Variants in HDAC11 observed in about 807,000 individuals in gnomAD.
The protein encoded by HDAC11 is histone deacetylase 11.
A neutral mutation model predicts 41.1 loss-of-function variants in HDAC11; 23 were observed. That is an observed-to-expected ratio of 0.56 (90% CI 0.40 to 0.79). The LOEUF (loss-of-function observed/expected upper bound fraction) is 0.79. Among genes scored for constraint, HDAC11 ranks in the 30% least tolerant of loss-of-function variants. HDAC11 has a pLI of 0.00. For synonymous variants in HDAC11, 187 were observed against 186.6 expected (o/e 1.00, Z -0.02); for missense variants, 402 against 477.3 (o/e 0.84, Z 1.47).
chr3:13,481,479 C>T (rs776806544), intron 2 of HDAC11, 85 bp downstream of exon 2: 18 of 1,488,976 alleles, frequency 1.2e-5, no homozygotes, highest in Middle Eastern at 1.8e-4. Context: ...AAGCCTCAGG[C>T]TCTCTCCCAT....
intron 2 of HDAC11, 24 bp downstream of exon 2, chr3:13,481,418 C>A (rs761368050): frequency 6.2e-7 from 1 of 1,612,324 alleles, no homozygotes; most frequent in Non-Finnish European, 8.5e-7. Flanking sequence ...CCCTTGGACT[C>A]TCATCTGCTT....
In HDAC11 at chr3:13,483,386, G is replaced by A. The variant is rs1021114756; in HGVS notation, c.152-78G>A. The A allele has an allele frequency of 4.0e-6, 5 of 1,241,976 alleles. No individual in the cohort carries two copies. In the African/African-American group the frequency reaches 5.9e-5, roughly 15 times the overall value. The allele number at this position is 1,241,976 out of a possible 1,614,324, so 76.9% of individuals were successfully genotyped here. A position where few individuals can be genotyped will look rare whatever the true frequency, so the allele number is the denominator to read the frequency against. On this transcript the variant is annotated intron_variant, in intron 2 of 9. Coordinates refer to ENST00000295757, the MANE Select transcript of HDAC11 (RefSeq NM_024827.4). ...GCAGGGGCTGCCACAGGCCAAGTCT[G>A]CAGCCTGTGGGAGGGTCTGGGGCTG... is the stretch of plus-strand genomic sequence containing the variant.
At chr3:13,504,428 G>C (rs376169866) in intron 9 of HDAC11, 40 bp from the exon 10 acceptor site, 152 of 1,606,464 alleles carry the variant, frequency 9.5e-5, no homozygotes, top group Non-Finnish European at 1.3e-4. Context: ...ACACCATGGG[G>C]GTCTGGCCTG....
intron 3 of HDAC11, among the ~76,000 whole-genome samples, chr3:13,496,116 G>T (rs1365309821): frequency 6.6e-6 from 1 of 152,184 alleles, no homozygotes; most frequent in Non-Finnish European, 1.5e-5. Context: ...GCACTTGGAG[G>T]TCACAGGGCA....
intron 6 of HDAC11, among the ~76,000 whole-genome samples, chr3:13,501,264 G>A (rs1702352465): frequency 6.6e-6 from 1 of 152,332 alleles, no homozygotes; most frequent in South Asian, 2.1e-4. Context: ...CAGAATTGGC[G>A]CTGGCCTCTG....
At chr3:13,501,845 C>T in intron 6 of HDAC11, 26 bp from the exon 7 acceptor site, 1 of 1,611,646 alleles carries the variant, frequency 6.2e-7, no homozygotes, top group Non-Finnish European at 8.5e-7. Context: ...CCCAGATCCT[C>T]ATGTCTACCC....
intron 3 of HDAC11, among the ~76,000 whole-genome samples, chr3:13,487,543 G>A (rs1701653750): frequency 6.6e-6 from 1 of 150,946 alleles, no homozygotes; most frequent in South Asian, 2.1e-4. Context: ...GCAAGGTCCA[G>A]GGTTGGCCCC....
chr3:13,497,141 G>C (rs896159242), intron 4 of HDAC11, among the ~76,000 whole-genome samples: 1 of 151,568 alleles, frequency 6.6e-6, no homozygotes, highest in Admixed American at 6.6e-5. Flanking sequence ...CTAGCACTAT[G>C]GCTTTAAGGC....
At chr3:13,485,472 A>G (rs1239140504) in intron 3 of HDAC11, among the ~76,000 whole-genome samples, 1 of 152,150 alleles carries the variant, frequency 6.6e-6, no homozygotes, top group Non-Finnish European at 1.5e-5. Context: ...GGGAGAAACC[A>G]AAACAGAATG....
chr3:13,493,204 G>A (rs1390330355), intron 3 of HDAC11, among the ~76,000 whole-genome samples: 1 of 152,132 alleles, frequency 6.6e-6, no homozygotes, highest in African/African-American at 2.4e-5. Context: ...GCTATCCCTG[G>A]AAGTGTTGGT....
At position 13,504,088 on chromosome 3, in the gene HDAC11, TC is replaced by T; in HGVS notation, c.650-3del. 1 of 1,613,628 alleles carries T rather than the reference TC, an allele frequency of 6.2e-7. No individual in the cohort carries two copies. The highest frequency in any genetic ancestry group is 8.5e-7 in the Non-Finnish European group (1 of 1,179,856). Reference sequence around the variant, plus strand: ...TAAATTGAGGCCATCCATGTCTCTCTCCCAGAGGCCATCAGGCGGAAGGTGG... The same window carrying T: ...TAAATTGAGGCCATCCATGTCTCTCTCCAGAGGCCATCAGGCGGAAGGTGG... On this transcript the variant is annotated splice_polypyrimidine_tract_variant and splice_region_variant and intron_variant, in intron 8 of 9. Transcript: ENST00000295757.
chr3:13,488,010 G>T (rs1442842775), intron 3 of HDAC11, among the ~76,000 whole-genome samples: 1 of 151,508 alleles, frequency 6.6e-6, no homozygotes, highest in African/African-American at 2.4e-5. Flanking sequence ...GGGAGTGAGG[G>T]AGTGGGTGAT....
chr3:13,503,189 A>G lies in HDAC11; in HGVS notation c.649+209A>G, dbSNP rs145820752. On this transcript the variant is annotated intron_variant, in intron 8 of 9. Transcript: ENST00000295757. ...AGATCACATAACCCTTACAATAAAC[A>G]TGCATTTGTCTGGCAAAAAACAGGA... 52 of 375,124 alleles carry G rather than the reference A, an allele frequency of 1.4e-4. No individual in the cohort carries two copies. In the East Asian group the frequency reaches 2.0e-3, roughly 14 times the overall value. 23.2% of individuals were successfully genotyped at this position (375,124 alleles called of 1,614,324 possible).
chr3:13,502,930 T>C lies in HDAC11; in HGVS notation c.599T>C (p.Ile200Thr). ...RDFMDDKRVY[I>T]MDVYNRHIYP... ...TTCATGGACGACAAGCGTGTGTACATCATGGATGTCTACAACCGCCACATC... is the reference window on the plus strand; with the variant it reads ...TTCATGGACGACAAGCGTGTGTACACCATGGATGTCTACAACCGCCACATC... The change falls in exon 8 of 10, where the codon ATC becomes ACC. Residue 200 changes from isoleucine (I) to threonine (T), a missense_variant. By Grantham distance (89) the Ile-to-Thr change is moderately conservative. Transcript: ENST00000295757. This position sits in a 1 kb window ranked among gnomAD's most constrained non-coding sequence, Gnocchi z 4.1. 1 of 1,613,538 alleles carries C rather than the reference T, an allele frequency of 6.2e-7. No homozygotes were observed. The highest frequency in any genetic ancestry group is 1.1e-5 in the South Asian group (1 of 91,070).
intron 8 of HDAC11, 122 bp from the exon 9 acceptor site, chr3:13,503,972 A>G: frequency 2.3e-6 from 2 of 876,554 alleles, no homozygotes; most frequent in South Asian, 3.5e-5. Flanking sequence ...TTTGGGTGGA[A>G]TGAGGCTGAG....
chr3:13,488,589 A>G (rs1480093018), intron 3 of HDAC11, among the ~76,000 whole-genome samples: 1 of 152,250 alleles, frequency 6.6e-6, no homozygotes, highest in Non-Finnish European at 1.5e-5. Context: ...GTTGTGTTGT[A>G]GCATGTATCA....
chr3:13,484,481 C>G lies in HDAC11; in HGVS notation c.252+917C>G, dbSNP rs563489651. Among the ~76,000 whole-genome samples, 235 of 152,292 alleles carry G rather than the reference C, an allele frequency of 1.5e-3. 3 individuals carry two copies. The Middle Eastern group carries it at 0.017, about 11-fold the overall frequency. On this transcript the variant is annotated intron_variant, in intron 3 of 9. Transcript: ENST00000295757. ...CTGTGGGCCCGGCATGGCCAGAGCA[C>G]CTGGTCTTCAAAGAGAAGCCAGGAA...
chr3:13,492,460 G>A (rs1701910109), intron 3 of HDAC11, among the ~76,000 whole-genome samples: 1 of 152,240 alleles, frequency 6.6e-6, no homozygotes, highest in Admixed American at 6.5e-5. Context: ...GATGCTAATC[G>A]GGACAGTCTG....
chr3:13,497,432 G>A (rs184801447), intron 4 of HDAC11, among the ~76,000 whole-genome samples: 1 of 152,072 alleles, frequency 6.6e-6, no homozygotes, highest in Non-Finnish European at 1.5e-5. Flanking sequence ...ACTCACCTTG[G>A]CCTCCCAAAG....
Sources: gnomAD v4.1 joint callset for allele counts (sites outside exome capture counted in the v4.1 genomes callset) on GRCh38, gnomAD v4.1.1 for gene constraint, Gnocchi (gnomAD v3.1) non-coding constraint, MANE v1.5 for transcripts, NCBI Gene and HGNC (gene_info 2026-07-23, HGNC 2026-07-21) for gene names.